WWOX: variants seen among roughly 807,000 people sequenced by gnomAD.
WWOX encodes WW domain containing oxidoreductase, also known as WW domain-containing oxidoreductase.
Under a neutral mutation model 46.2 loss-of-function variants are expected in WWOX, and 69 were observed. The observed-to-expected ratio is 1.49, with a 90% CI of 1.23 to 1.82. The LOEUF (loss-of-function observed/expected upper bound fraction) is 1.82, where lower values mean the gene tolerates loss of function less well. Ranked by LOEUF, WWOX falls within the 40% of genes most tolerant of loss-of-function variation. The pLI is 0.00. For synonymous variants in WWOX, 359 were observed against 202.6 expected, an observed-to-expected ratio of 1.77 and a Z score of -6.56; for missense variants, 919 against 542.6, an observed-to-expected ratio of 1.69 and a Z score of -6.89.
chr16:79,098,555 A>C (rs746200357), intron 8 of WWOX, among the ~76,000 whole-genome samples: 1 of 152,250 alleles, frequency 6.6e-6, no homozygotes, highest in Non-Finnish European at 1.5e-5. Flanking sequence ...AGCAATTATC[A>C]CAGTGTTCCT....
At chr16:78,155,682 A>C (rs1018508325) in intron 4 of WWOX, among the ~76,000 whole-genome samples, 1 of 152,220 alleles carries the variant, frequency 6.6e-6, no homozygotes, top group African/African-American at 2.4e-5. Context: ...ACATTGTCAT[A>C]AAGTTAATTT....
At chr16:79,185,877 C>T (rs1233145742) in intron 8 of WWOX, among the ~76,000 whole-genome samples, 3 of 152,052 alleles carry the variant, frequency 2.0e-5, no homozygotes, top group East Asian at 3.9e-4. Context: ...AAATTTAGTG[C>T]TCAGATATCT....
rs2046767440 is a variant in WWOX, at chr16:78,643,430, C to T, written c.1056+210678C>T. Among the ~76,000 whole-genome samples the T allele has an allele frequency of 2.6e-5, 4 of 152,242 alleles. No individual in the cohort carries two copies. In the South Asian group the frequency reaches 8.3e-4, roughly 32 times the overall value. On this transcript the variant is annotated intron_variant, in intron 8 of 8. Transcript: ENST00000566780. Reference sequence around the variant, plus strand: ...AGTGCCGGGGCTTGAACCCCTGTCTCTGTGTCTCCCAGCTCATAAGGTGTG... The same window carrying T: ...AGTGCCGGGGCTTGAACCCCTGTCTTTGTGTCTCCCAGCTCATAAGGTGTG...
At chr16:79,107,357 G>C (rs1597382096) in intron 8 of WWOX, among the ~76,000 whole-genome samples, 1 of 152,022 alleles carries the variant, frequency 6.6e-6, no homozygotes, top group Non-Finnish European at 1.5e-5. Context: ...CAAAGTGCTG[G>C]GATGACAGGC....
At chr16:78,795,937 A>G (rs2050724636) in intron 8 of WWOX, among the ~76,000 whole-genome samples, 1 of 152,254 alleles carries the variant, frequency 6.6e-6, no homozygotes, top group South Asian at 2.1e-4. Context: ...GAAATGGAAG[A>G]TAATTGAGGA....
intron 8 of WWOX, among the ~76,000 whole-genome samples, chr16:78,515,510 T>C (rs1013263664): frequency 6.6e-6 from 1 of 152,318 alleles, no homozygotes; most frequent in African/African-American, 2.4e-5. Flanking sequence ...CCCGGAAGTG[T>C]GCAAGAAGAG....
chr16:78,905,957 A>C (rs918523405), intron 8 of WWOX, among the ~76,000 whole-genome samples: 1 of 152,214 alleles, frequency 6.6e-6, no homozygotes, highest in Non-Finnish European at 1.5e-5. Context: ...CCAAGAGCTA[A>C]AAGGGAGAAG....
chr16:78,985,636 G>T (rs939828672), intron 8 of WWOX, among the ~76,000 whole-genome samples: 7 of 152,218 alleles, frequency 4.6e-5, no homozygotes, highest in African/African-American at 1.4e-4. Flanking sequence ...GTGCATAGTG[G>T]TGCATGCCTG....
chr16:78,744,848 C>G (rs902711939), intron 8 of WWOX, among the ~76,000 whole-genome samples: 5 of 152,128 alleles, frequency 3.3e-5, no homozygotes, highest in South Asian at 2.1e-4. Context: ...GGTGACTTCA[C>G]TAAAGTCATT....
At chr16:78,123,446 T>TG (rs2033209112) in intron 4 of WWOX, 3 of 25,896 alleles carry the variant, frequency 1.2e-4, no homozygotes, top group Admixed American at 5.5e-4. Flanking sequence ...TTTTGTTTTT[T>TG]TTTTTTTTGT....
At chr16:78,394,190 C>A (rs963041738) in intron 6 of WWOX, among the ~76,000 whole-genome samples, 1 of 152,276 alleles carries the variant, frequency 6.6e-6, no homozygotes, top group African/African-American at 2.4e-5. Context: ...ATCTGCATTA[C>A]TCTTGGCTCA....
At position 79,158,035 on chromosome 16, in the gene WWOX, G is replaced by A. The variant is rs186597714; in HGVS notation, c.1057-53573G>A. 4.9e-4 allele frequency among the ~76,000 whole-genome samples: 74 copies of A among 152,308 alleles called. 2 individuals are homozygous for A. The East Asian group carries it at 0.012, about 25-fold the overall frequency. On this transcript the variant is annotated intron_variant, in intron 8 of 8. Coordinates refer to ENST00000566780, the MANE Select transcript of WWOX (RefSeq NM_016373.4). ...ATTCAAAAGGGGTGCCCCCAAGTGA[G>A]TTGTTTGCTGCCTCTAGGAATTTAT...
intron 8 of WWOX, among the ~76,000 whole-genome samples, chr16:78,906,479 T>A (rs560495394): frequency 9.2e-5 from 14 of 152,154 alleles, no homozygotes; most frequent in African/African-American, 3.1e-4. Context: ...GAGTTTTCTG[T>A]CTTTGTCCCC....
At chr16:78,957,881 GA>G (rs2046199976) in intron 8 of WWOX, among the ~76,000 whole-genome samples, 1 of 152,178 alleles carries the variant, frequency 6.6e-6, no homozygotes, top group Non-Finnish European at 1.5e-5. Context: ...GGCGTGGGGG[GA>G]CACATGACTA....
At chr16:78,409,509 C>T (rs2082625692) in intron 6 of WWOX, among the ~76,000 whole-genome samples, 1 of 152,282 alleles carries the variant, frequency 6.6e-6, no homozygotes, top group African/African-American at 2.4e-5. Flanking sequence ...TAGCATAATG[C>T]ATGCAGTATT....
chr16:78,419,382 A>C (rs967623141), intron 6 of WWOX, among the ~76,000 whole-genome samples: 1 of 152,080 alleles, frequency 6.6e-6, no homozygotes, highest in East Asian at 1.9e-4. Flanking sequence ...CTCAATTTCA[A>C]AACTTTCTAT....
chr16:78,452,878 T>TATATATATATATACATACATAC (rs752791786), intron 8 of WWOX, among the ~76,000 whole-genome samples: 1 of 143,020 alleles, frequency 7.0e-6, no homozygotes, highest in African/African-American at 2.9e-5. Flanking sequence ...TATATATATA[T>TATATATATATATACATACATAC]ATACATATTT....
At chr16:79,095,182 G>C (rs2049043714) in intron 8 of WWOX, among the ~76,000 whole-genome samples, 2 of 152,184 alleles carry the variant, frequency 1.3e-5, no homozygotes, top group Admixed American at 1.3e-4. Flanking sequence ...AAGAGCTGCT[G>C]TCTTTGTCCA....
At chr16:78,405,032 C>G (rs1231580738) in intron 6 of WWOX, among the ~76,000 whole-genome samples, 1 of 152,126 alleles carries the variant, frequency 6.6e-6, no homozygotes, top group African/African-American at 2.4e-5. Flanking sequence ...TTACATTTCC[C>G]CCTATTTACA....
Sources: allele counts gnomAD v4.1 joint callset (sites outside exome capture counted in the v4.1 genomes callset), GRCh38; gene constraint gnomAD v4.1.1; transcripts MANE v1.5; gene names NCBI Gene and HGNC (gene_info 2026-07-23, HGNC 2026-07-21).